Variants in CNTNAP5 observed in about 807,000 individuals in gnomAD.
The protein encoded by CNTNAP5 is contactin-associated protein-like 5.
A neutral mutation model predicts 150.2 loss-of-function variants in CNTNAP5; 72 were observed. The ratio of observed to expected loss-of-function variants is 0.48; its 90% CI spans 0.40 to 0.58. The LOEUF (loss-of-function observed/expected upper bound fraction) is 0.58, where lower values mean the gene tolerates loss of function less well. Ranked by LOEUF, CNTNAP5 falls within the 20% of genes least tolerant of loss-of-function variation. CNTNAP5 has a pLI of 0.00. For missense variants in CNTNAP5, 1,636 were observed against 1,626.2 expected (o/e 1.01, Z -0.10); for synonymous variants, 672 against 619.8 (o/e 1.08, Z -1.25).
At chr2:124,667,748 A>AT (rs1250218297) in intron 13 of CNTNAP5, among the ~76,000 whole-genome samples, 1 of 151,996 alleles carries the variant, frequency 6.6e-6, no homozygotes, top group Non-Finnish European at 1.5e-5. Context: ...TCTCTCTCTT[A>AT]TTTTTTCTTC....
intron 19 of CNTNAP5, among the ~76,000 whole-genome samples, chr2:124,806,491 C>A (rs1219338214): frequency 1.3e-5 from 2 of 152,124 alleles, no homozygotes; most frequent in African/African-American, 4.8e-5. Flanking sequence ...GGGAGTGGGT[C>A]TCTGTAGAGC....
chr2:124,197,141 A>G (rs1685606776), intron 1 of CNTNAP5, among the ~76,000 whole-genome samples: 1 of 152,232 alleles, frequency 6.6e-6, no homozygotes, highest in Admixed American at 6.5e-5. Flanking sequence ...AGGTACGAAT[A>G]ATCACAAATA....
intron 3 of CNTNAP5, among the ~76,000 whole-genome samples, chr2:124,269,920 T>C (rs1687700432): frequency 6.6e-6 from 1 of 152,196 alleles, no homozygotes; most frequent in South Asian, 2.1e-4. Flanking sequence ...ATATCCCACT[T>C]ACTCAAATCA....
intron 8 of CNTNAP5, 34 bp from the exon 9 acceptor site, chr2:124,524,269 C>G: frequency 1.2e-6 from 2 of 1,612,002 alleles, no homozygotes; most frequent in South Asian, 2.2e-5. Context: ...CTGGACCCAT[C>G]ATCTCTATGC....
chr2:124,237,408 T>C (rs1344378754), intron 2 of CNTNAP5, among the ~76,000 whole-genome samples: 1 of 152,206 alleles, frequency 6.6e-6, no homozygotes, highest in Admixed American at 6.5e-5. Context: ...GTTATTCTGC[T>C]TCATGCTTAC....
At chr2:124,058,749 A>G (rs985405744) in intron 1 of CNTNAP5, among the ~76,000 whole-genome samples, 4 of 152,178 alleles carry the variant, frequency 2.6e-5, no homozygotes, top group African/African-American at 9.7e-5. Context: ...CATGATGTCT[A>G]CCAGTTGTCT....
chr2:124,541,179 A>AATGTTTTTTTTTTTTTTTT (rs561235258), intron 10 of CNTNAP5, among the ~76,000 whole-genome samples: 1 of 83,082 alleles, frequency 1.2e-5, no homozygotes, highest in African/African-American at 4.7e-5. Context: ...CAAAATTCCG[A>AATGTTTTTTTTTTTTTTTT]TTTTTTTTTT....
At chr2:124,799,744 A>G (rs1016296412) in intron 19 of CNTNAP5, among the ~76,000 whole-genome samples, 1 of 152,228 alleles carries the variant, frequency 6.6e-6, no homozygotes, top group Non-Finnish European at 1.5e-5. Flanking sequence ...GAATGGGTGT[A>G]AAGAAATGAT....
chr2:124,862,148 T>A (rs1365549575), intron 19 of CNTNAP5, among the ~76,000 whole-genome samples: 1 of 152,254 alleles, frequency 6.6e-6, no homozygotes, highest in East Asian at 1.9e-4. Context: ...TATTTTAAGC[T>A]AAGGCTCAAA....
At chr2:124,483,543 C>T (rs1430218999) in intron 7 of CNTNAP5, among the ~76,000 whole-genome samples, 1 of 152,190 alleles carries the variant, frequency 6.6e-6, no homozygotes, top group Non-Finnish European at 1.5e-5. Context: ...GTGTCTACCA[C>T]AGGGTAGGGC....
intron 1 of CNTNAP5, among the ~76,000 whole-genome samples, chr2:124,051,062 A>C (rs2104642636): frequency 6.6e-6 from 1 of 152,344 alleles, no homozygotes; most frequent in Non-Finnish European, 1.5e-5. Flanking sequence ...AATATTACAG[A>C]TGGCTGAGGT....
intron 21 of CNTNAP5, among the ~76,000 whole-genome samples, chr2:124,902,047 G>A (rs1678423763): frequency 6.6e-6 from 1 of 152,018 alleles, no homozygotes; most frequent in Non-Finnish European, 1.5e-5. Context: ...GGTACGTGAA[G>A]ACTATTACAC....
rs1688061729 is a variant in CNTNAP5 at position 124,283,275 on chromosome 2, A to C, written c.381+40882A>C. Among the ~76,000 whole-genome samples, 6 of 152,092 alleles carry C rather than the reference A, an allele frequency of 3.9e-5. No homozygotes were observed. The South Asian group carries it at 1.2e-3, about 31-fold the overall frequency. On this transcript the variant is annotated intron_variant, in intron 3 of 23. Coordinates refer to ENST00000682447, the MANE Select transcript of CNTNAP5 (RefSeq NM_001367498.1). ...TTTTGGCAGGCAGCCAGGCCTTTTT[A>C]TTATGTGGAACTGCTCCTCAGGACA...
chr2:124,643,285 G>C (rs6718230), intron 12 of CNTNAP5, among the ~76,000 whole-genome samples: 62 of 152,272 alleles, frequency 4.1e-4, no homozygotes, highest in African/African-American at 1.4e-3. Context: ...GAGGCTATGT[G>C]TCTAATTGTG....
intron 14 of CNTNAP5, among the ~76,000 whole-genome samples, chr2:124,757,684 G>A (rs912032613): frequency 2.0e-5 from 3 of 152,102 alleles, no homozygotes; most frequent in Admixed American, 1.3e-4. Flanking sequence ...TTATTCTCAG[G>A]ATTAAGTGAG....
At chr2:124,529,645 A>G (rs1329580798) in intron 10 of CNTNAP5, among the ~76,000 whole-genome samples, 1 of 152,118 alleles carries the variant, frequency 6.6e-6, no homozygotes, top group Non-Finnish European at 1.5e-5. Flanking sequence ...TAATGTGTTA[A>G]TCAACGTGAG....
intron 3 of CNTNAP5, among the ~76,000 whole-genome samples, chr2:124,332,050 T>G (rs536989221): frequency 6.6e-6 from 1 of 151,928 alleles, no homozygotes; most frequent in Admixed American, 6.6e-5. Context: ...TTTATAAAAT[T>G]TTTATAACTT....
At chr2:124,156,784 C>T (rs992328506) in intron 1 of CNTNAP5, among the ~76,000 whole-genome samples, 1 of 152,164 alleles carries the variant, frequency 6.6e-6, no homozygotes, top group African/African-American at 2.4e-5. Flanking sequence ...CCACCGTGCC[C>T]AGCCCATTTT....
chr2:124,039,310 AC>A (rs1307243926), intron 1 of CNTNAP5, among the ~76,000 whole-genome samples: 1 of 152,190 alleles, frequency 6.6e-6, no homozygotes. Flanking sequence ...CATATATAGC[AC>A]AGTAAATGGC....
Sources: gnomAD v4.1 joint callset for allele counts (sites outside exome capture counted in the v4.1 genomes callset) on GRCh38, gnomAD v4.1.1 for gene constraint, MANE v1.5 for transcripts, NCBI Gene and HGNC (gene_info 2026-07-23, HGNC 2026-07-21) for gene names.